The following COBL variants were observed in gnomAD, a reference collection of about 807,000 sequenced individuals.
The protein encoded by COBL is protein cordon-bleu.
A neutral mutation model predicts 98.8 loss-of-function variants in COBL; 51 were observed. The observed-to-expected ratio is 0.52, with a 90% confidence interval of 0.41 to 0.65. COBL has a LOEUF of 0.65. Ranked by LOEUF, COBL falls within the 30% of genes least tolerant of loss-of-function variation. COBL has a pLI of 0.00. For synonymous variants in COBL, 634 were observed against 651.7 expected (o/e 0.97, Z 0.41); for missense variants, 1,617 against 1,617.5 (o/e 1.00, Z 0.01).
intron 6 of COBL, among the ~76,000 whole-genome samples, chr7:51,110,339 G>GT (rs933919665): frequency 1.3e-5 from 2 of 152,020 alleles, no homozygotes; most frequent in African/African-American, 4.8e-5. Context: ...TAGCTCCCAC[G>GT]TAAGAGTGAG....
At chr7:51,316,348 G>C (rs990226472) in intron 1 of COBL, 1 of 312,800 alleles carries the variant, frequency 3.2e-6, no homozygotes. Context: ...CGCGCGAAAA[G>C]TGCGCTCCGG....
At chr7:51,098,224 C>CATTTTTTTTTTTTTTTTTTTTTTTTTTT (rs1795478776) in intron 6 of COBL, among the ~76,000 whole-genome samples, 1 of 100,846 alleles carries the variant, frequency 9.9e-6, no homozygotes, top group African/African-American at 4.5e-5. Flanking sequence ...ATAGCAGTTT[C>CATTTTTTTTTTTTTTTTTTTTTTTTTTT]TTTTTTTTTT....
At chr7:51,067,337 T>C (rs1298670892) in intron 7 of COBL, among the ~76,000 whole-genome samples, 1 of 152,240 alleles carries the variant, frequency 6.6e-6, no homozygotes, top group Non-Finnish European at 1.5e-5. Context: ...ATGTACACCA[T>C]GTGTAGGCAT....
intron 5 of COBL, chr7:51,156,430 G>T (rs1338706432): frequency 1.1e-5 from 11 of 985,072 alleles, no homozygotes; most frequent in African/African-American, 3.5e-5. Context: ...GAGACATCAG[G>T]TTCCCCAGGA....
chr7:51,195,100 G>A (rs1790468067), intron 2 of COBL, among the ~76,000 whole-genome samples: 1 of 152,058 alleles, frequency 6.6e-6, no homozygotes, highest in Admixed American at 6.6e-5. Context: ...CTGTTCCTAT[G>A]TCCAGAATGG....
intron 5 of COBL, among the ~76,000 whole-genome samples, chr7:51,137,495 A>T (rs1799349811): frequency 6.6e-6 from 1 of 151,808 alleles, no homozygotes; most frequent in Non-Finnish European, 1.5e-5. Flanking sequence ...GCTACTTGGG[A>T]TGCTAAGGTG....
intron 6 of COBL, among the ~76,000 whole-genome samples, chr7:51,112,011 C>G (rs1368954147): frequency 6.6e-6 from 1 of 152,034 alleles, no homozygotes; most frequent in Non-Finnish European, 1.5e-5. Flanking sequence ...CAAAGGAATC[C>G]AGTTCACTTG....
intron 1 of COBL, among the ~76,000 whole-genome samples, chr7:51,313,481 G>T (rs1461270346): frequency 6.6e-6 from 1 of 152,176 alleles, no homozygotes; most frequent in East Asian, 1.9e-4. Context: ...ATGTGTACAT[G>T]AAGTCCACAT....
chr7:51,187,960 T>C, intron 4 of COBL: 4 of 1,232,372 alleles, frequency 3.2e-6, no homozygotes, highest in Non-Finnish European at 4.0e-6. Context: ...TCAGACGAAC[T>C]GGAAAAGGCA....
chr7:51,074,257 G>A (rs956031964), intron 7 of COBL, among the ~76,000 whole-genome samples: 7 of 145,632 alleles, frequency 4.8e-5, no homozygotes, highest in South Asian at 4.3e-4. Context: ...GTGCTGTGGC[G>A]CGATCTCGGC....
At chr7:51,211,418 C>G (rs1792416834) in intron 2 of COBL, among the ~76,000 whole-genome samples, 1 of 152,218 alleles carries the variant, frequency 6.6e-6, no homozygotes, top group Non-Finnish European at 1.5e-5. Context: ...CAGTGCCCAC[C>G]TCACAGGGTG....
intron 1 of COBL, among the ~76,000 whole-genome samples, chr7:51,236,692 T>G (rs1195998499): frequency 6.6e-6 from 1 of 152,156 alleles, no homozygotes; most frequent in Non-Finnish European, 1.5e-5. Context: ...GCTGTCCCTC[T>G]GCAGCTCACA....
intron 5 of COBL, among the ~76,000 whole-genome samples, chr7:51,154,316 T>C (rs1368084122): frequency 2.0e-5 from 3 of 152,178 alleles, no homozygotes; most frequent in Non-Finnish European, 2.9e-5. Flanking sequence ...CAGACCAATG[T>C]GCTATGAGCG....
chr7:51,273,750 T>C (rs1482794492), intron 1 of COBL, among the ~76,000 whole-genome samples: 1 of 152,244 alleles, frequency 6.6e-6, no homozygotes, highest in Non-Finnish European at 1.5e-5. Context: ...TAATTTTACC[T>C]ATTTGAAAAT....
intron 1 of COBL, among the ~76,000 whole-genome samples, chr7:51,243,732 G>C (rs1024389341): frequency 6.6e-6 from 1 of 152,190 alleles, no homozygotes; most frequent in Non-Finnish European, 1.5e-5. Flanking sequence ...ACTAGTGATT[G>C]TCGGAGTTGG....
intron 7 of COBL, chr7:51,082,909 C>T (rs1793808857): frequency 2.7e-6 from 2 of 729,658 alleles, no homozygotes; most frequent in East Asian, 2.7e-5. Context: ...ATCAGACACA[C>T]TGCATTCAGC....
chr7:51,094,943 G>T (rs1445881004), intron 6 of COBL, among the ~76,000 whole-genome samples: 1 of 152,170 alleles, frequency 6.6e-6, no homozygotes, highest in Non-Finnish European at 1.5e-5. Context: ...ATTTAAAAGA[G>T]ATTGTTATAA....
intron 3 of COBL, among the ~76,000 whole-genome samples, chr7:51,192,541 G>A (rs192862818): frequency 2.6e-5 from 4 of 152,268 alleles, no homozygotes; most frequent in African/African-American, 7.2e-5. Flanking sequence ...GGGAGGCAGA[G>A]GTAGCAGTGA....
rs749741240 is a variant in COBL, at chr7:51,028,459, T to C, written c.2637A>G (p.Pro879=). The C allele has an allele frequency of 1.2e-5, 19 of 1,614,158 alleles. No homozygotes were observed. Among genetic ancestry groups the C allele is most frequent in the Non-Finnish European group, 1.5e-5 (18 of 1,180,062 alleles). Residue 879 remains proline (P), a synonymous_variant, in exon 10 of 13, where the codon CCA becomes CCG. Transcript: ENST00000265136. ...ASAIAKRIGA[P]KVHADVVRPH... ...GCCTCACCACATCAGCATGGACTTT[T>C]GGGGCTCCTATGCGCTTGGCAATGG...
Sources: allele counts gnomAD v4.1 joint callset (sites outside exome capture counted in the v4.1 genomes callset), GRCh38; gene constraint gnomAD v4.1.1; transcripts MANE v1.5; gene names NCBI Gene and HGNC (gene_info 2026-07-23, HGNC 2026-07-21).